The following SDK1 variants were observed in gnomAD, a reference collection of about 807,000 sequenced individuals.
SDK1 encodes the protein sidekick cell adhesion molecule 1.
SDK1 carries 157 observed loss-of-function variants against 245.5 expected under a neutral mutation model. The ratio of observed to expected loss-of-function variants is 0.64; its 90% CI spans 0.56 to 0.73. The LOEUF is 0.73. Among genes scored for constraint, SDK1 ranks in the 30% least tolerant of loss-of-function variants. The pLI is 0.00. For missense variants in SDK1, 3,583 were observed against 3,002.3 expected, an observed-to-expected ratio of 1.19 and a Z score of -4.52; for synonymous variants, 1,647 against 1,278.5, an observed-to-expected ratio of 1.29 and a Z score of -6.15.
At chr7:3,598,914 A>T (rs1781160116) in intron 1 of SDK1, among the ~76,000 whole-genome samples, 1 of 152,108 alleles carries the variant, frequency 6.6e-6, no homozygotes, top group African/African-American at 2.4e-5. Context: ...TAAAGCTGTT[A>T]CCTAGGAAGG....
rs563542939 is a variant in SDK1 at position 3,686,974 on chromosome 7, C to A, written c.713+44869C>A. 6.6e-5 allele frequency among the ~76,000 whole-genome samples: 10 copies of A among 151,368 alleles called. No homozygotes were observed. In the South Asian group the frequency reaches 2.1e-3, roughly 32 times the overall value. On this transcript the variant is annotated intron_variant, in intron 4 of 44. Transcript: ENST00000404826. ...GTAAGGGAAGTGGTTGGGATGGGAA[C>A]TTCAACTTGATCTGCAGCTCAAGAA...
chr7:3,934,804 G>A (rs1052272729), intron 5 of SDK1, among the ~76,000 whole-genome samples: 2 of 152,152 alleles, frequency 1.3e-5, no homozygotes, highest in South Asian at 2.1e-4. Context: ...TGCACTGAGC[G>A]GTGACCCCAG....
rs1562854272 is a variant in SDK1, at chr7:4,129,931, G to A, written c.3963G>A (p.Leu1321=). Residue 1321 remains leucine, a synonymous_variant, in exon 27 of 45, where the codon CTG becomes CTA. Transcript: ENST00000404826. ...GYKILFRAKD[L]DPEPRSHIVR... ...AGATCCTGTTCCGGGCCAAAGACCT[G>A]GATCCCGAGCCCAGGAGCCACATCG... 3.7e-6 allele frequency: 6 copies of A among 1,613,622 alleles called. No individual in the cohort carries two copies. Among genetic ancestry groups the A allele is most frequent in the Non-Finnish European group, 4.2e-6 (5 of 1,179,928 alleles).
chr7:4,058,145 C>A (rs1400189167), intron 19 of SDK1, among the ~76,000 whole-genome samples: 2 of 151,388 alleles, frequency 1.3e-5, no homozygotes, highest in Non-Finnish European at 2.9e-5. Flanking sequence ...ATAAATAATA[C>A]AAAATAATCC....
intron 5 of SDK1, among the ~76,000 whole-genome samples, chr7:3,885,252 C>G (rs909081314): frequency 6.6e-6 from 1 of 152,156 alleles, no homozygotes; most frequent in Non-Finnish European, 1.5e-5. Flanking sequence ...CTGGCAGTGA[C>G]TCTAGGCCGG....
intron 1 of SDK1, among the ~76,000 whole-genome samples, chr7:3,611,251 G>A (rs111675661): frequency 3.1e-3 from 469 of 152,318 alleles, no homozygotes; most frequent in African/African-American, 0.011. Context: ...AAGAAACAAA[G>A]CCTGGGAATT....
chr7:4,147,905 A>G (rs1780086103), intron 29 of SDK1, among the ~76,000 whole-genome samples: 1 of 152,170 alleles, frequency 6.6e-6, no homozygotes, highest in Non-Finnish European at 1.5e-5. Context: ...GCACGTGTGC[A>G]GGTGCATCAC....
intron 13 of SDK1, among the ~76,000 whole-genome samples, chr7:3,979,338 C>T (rs116543335): frequency 1.3e-3 from 191 of 152,342 alleles, no homozygotes; most frequent in African/African-American, 4.4e-3. Flanking sequence ...GCTGTTCCCC[C>T]CTTTCCTAAC....
intron 4 of SDK1, among the ~76,000 whole-genome samples, chr7:3,758,640 A>T (rs937572601): frequency 8.6e-5 from 13 of 151,916 alleles, no homozygotes; most frequent in Non-Finnish European, 1.2e-4. Flanking sequence ...CTTGGCACTT[A>T]CTCTGCACTG....
At chr7:3,409,385 TACTG>T (rs1779139904) in intron 1 of SDK1, among the ~76,000 whole-genome samples, 2 of 152,132 alleles carry the variant, frequency 1.3e-5, no homozygotes, top group Admixed American at 1.3e-4. Context: ...ATCACATACT[TACTG>T]CTGTGTTTGT....
At chr7:3,692,948 T>C (rs1210399803) in intron 4 of SDK1, among the ~76,000 whole-genome samples, 1 of 152,054 alleles carries the variant, frequency 6.6e-6, no homozygotes, top group African/African-American at 2.4e-5. Flanking sequence ...TTTTCATTTA[T>C]ATATCATCCA....
At chr7:3,865,971 G>A (rs1470889284) in intron 5 of SDK1, among the ~76,000 whole-genome samples, 3 of 152,146 alleles carry the variant, frequency 2.0e-5, no homozygotes, top group African/African-American at 4.8e-5. Flanking sequence ...GAGCAGCAGC[G>A]GACCTGCTGG....
chr7:3,524,614 A>G (rs895528921), intron 1 of SDK1, among the ~76,000 whole-genome samples: 7 of 152,124 alleles, frequency 4.6e-5, no homozygotes, highest in South Asian at 2.1e-4. Flanking sequence ...GATAACCCCA[A>G]CGTTTTTAGT....
At chr7:3,499,208 C>G (rs777441995) in intron 1 of SDK1, among the ~76,000 whole-genome samples, 1 of 152,156 alleles carries the variant, frequency 6.6e-6, no homozygotes, top group African/African-American at 2.4e-5. Flanking sequence ...TCCTTAAGAT[C>G]GACATCTTTC....
chr7:4,222,115 C>T lies in SDK1; in HGVS notation c.5827+751C>T, dbSNP rs144103775. 2.1e-3 allele frequency among the ~76,000 whole-genome samples: 320 copies of T among 152,310 alleles called. 2 individuals are homozygous for T. Among genetic ancestry groups the T allele is most frequent in the Admixed American group, 2.6e-3 (40 of 15,298 alleles). ...TCAGGAAGCAAACCATCAAACCCCA[C>T]CTGCCAATCTGGCAGGACCACGGTG... is the stretch of plus-strand genomic sequence containing the variant. On this transcript the variant is annotated intron_variant, in intron 40 of 44. Coordinates refer to ENST00000404826, the MANE Select transcript of SDK1 (RefSeq NM_152744.4).
At position 3,888,839 on chromosome 7, in the gene SDK1, G is replaced by A. The variant is rs149709179; in HGVS notation, c.848-62084G>A. 1.3e-3 allele frequency among the ~76,000 whole-genome samples: 201 copies of A among 152,198 alleles called. 2 individuals are homozygous for A. Among genetic ancestry groups the A allele is most frequent in the African/African-American group, 4.4e-3 (183 of 41,536 alleles). On this transcript the variant is annotated intron_variant, in intron 5 of 44. Transcript: ENST00000404826. ...TTTTCACATCTTTTGACTCATTCTC[G>A]TATTCTATATGTTATGCTATATGTT...
rs58687135 is a variant in SDK1 at position 3,701,924 on chromosome 7, C to CAAAAAAAAA, written c.713+59832_713+59840dup. ...GCTAGAGTGGTTGGACGTGCATAAG[C>CAAAAAAAAA]AAAAAAAAAAAAAAAAAAAAAGAAA... On this transcript the variant is annotated intron_variant, in intron 4 of 44. Transcript: ENST00000404826. Among the ~76,000 whole-genome samples the CAAAAAAAAA allele has an allele frequency of 4.6e-4, 39 of 85,588 alleles. 1 individual carries two copies. The highest frequency in any genetic ancestry group is 8.2e-4 in the East Asian group (2 of 2,440). The allele number at this position is 85,588 out of a possible 152,430, so 56.1% of individuals were successfully genotyped here.
At chr7:3,470,533 G>C (rs1192886175) in intron 1 of SDK1, among the ~76,000 whole-genome samples, 1 of 151,870 alleles carries the variant, frequency 6.6e-6, no homozygotes, top group Non-Finnish European at 1.5e-5. Flanking sequence ...ACAGAAGTCT[G>C]CTTTGAGGTT....
At chr7:3,703,254 C>T (rs1784789335) in intron 4 of SDK1, among the ~76,000 whole-genome samples, 1 of 151,966 alleles carries the variant, frequency 6.6e-6, no homozygotes, top group African/African-American at 2.4e-5. Context: ...AATTATGGTG[C>T]ATTCATGTCA....
Sources: gnomAD v4.1 joint callset for allele counts (sites outside exome capture counted in the v4.1 genomes callset) on GRCh38, gnomAD v4.1.1 for gene constraint, MANE v1.5 for transcripts, NCBI Gene and HGNC (gene_info 2026-07-23, HGNC 2026-07-21) for gene names.